SPPL2A: variants seen among roughly 807,000 people sequenced by gnomAD.
SPPL2A encodes the protein signal peptide peptidase like 2A.
A neutral mutation model predicts 63.8 loss-of-function variants in SPPL2A; 51 were observed. That is an observed-to-expected ratio of 0.80 (90% CI 0.64 to 1.01). The LOEUF is 1.01. SPPL2A is among the 50% of genes least tolerant of loss of function. The probability of loss-of-function intolerance (pLI) is 0.00; values close to 1 mark genes in which losing one functional copy is unlikely to be tolerated. For missense variants in SPPL2A, 553 were observed against 622.7 expected (o/e 0.89, Z 1.19); for synonymous variants, 188 against 205.8 (o/e 0.91, Z 0.74).
At chr15:50,750,069 C>G (rs568762526) in intron 1 of SPPL2A, among the ~76,000 whole-genome samples, 1 of 152,130 alleles carries the variant, frequency 6.6e-6, no homozygotes, top group Non-Finnish European at 1.5e-5. Context: ...TGGAAACTTT[C>G]CTTTCCAATC....
At chr15:50,712,538 A>C (rs2062566823) in intron 14 of SPPL2A, among the ~76,000 whole-genome samples, 5 of 151,984 alleles carry the variant, frequency 3.3e-5, no homozygotes. Context: ...AAAGCTCCCC[A>C]TTCTATTTCA....
At chr15:50,726,477 C>T (rs1174657139) in intron 10 of SPPL2A, 100 bp from the exon 11 acceptor site, 10 of 1,105,934 alleles carry the variant, frequency 9.0e-6, no homozygotes, top group African/African-American at 3.1e-5. Flanking sequence ...GCCAGTTACA[C>T]TGATTGAAAA....
At chr15:50,734,755 T>C (rs190146249) in intron 8 of SPPL2A, among the ~76,000 whole-genome samples, 456 of 152,314 alleles carry the variant, frequency 3.0e-3, no homozygotes, top group Admixed American at 7.1e-3. Flanking sequence ...ATCATTCACA[T>C]TGAATGCCTG....
intron 1 of SPPL2A, among the ~76,000 whole-genome samples, chr15:50,752,287 G>A (rs1358481047): frequency 6.6e-6 from 1 of 152,010 alleles, no homozygotes; most frequent in Non-Finnish European, 1.5e-5. Context: ...ACCTCTTATA[G>A]CTGGCTCTTT....
intron 8 of SPPL2A, among the ~76,000 whole-genome samples, chr15:50,733,957 G>A (rs780993351): frequency 2.0e-5 from 3 of 152,090 alleles, no homozygotes; most frequent in African/African-American, 4.8e-5. Flanking sequence ...TTAGAGAAAT[G>A]TAAATCAAAA....
Position 50,722,023 on chromosome 15 carries a change from C to A in SPPL2A, c.1327+101G>T. On this transcript the variant is annotated intron_variant, in intron 13 of 14. Transcript: ENST00000261854. ...AAAGTGCTAGGACTCCAGGGGTGAA[C>A]CACCATGCCCAAACTGTACTCCTTC... is the stretch of plus-strand genomic sequence containing the variant. The A allele has an allele frequency of 7.4e-6, 5 of 672,976 alleles. No homozygotes were observed. The South Asian group carries it at 8.6e-5, about 12-fold the overall frequency. 41.7% of individuals were successfully genotyped at this position (672,976 alleles called of 1,614,324 possible). A position where few individuals can be genotyped will look rare whatever the true frequency, so the allele number is the denominator to read the frequency against.
At chr15:50,749,298 T>G (rs1167802243) in intron 2 of SPPL2A, among the ~76,000 whole-genome samples, 1 of 152,146 alleles carries the variant, frequency 6.6e-6, no homozygotes, top group South Asian at 2.1e-4. Context: ...CACTATTTTT[T>G]TTTTTCAGAG....
intron 11 of SPPL2A, chr15:50,726,026 G>C: frequency 8.2e-7 from 1 of 1,217,092 alleles, no homozygotes; most frequent in Non-Finnish European, 1.1e-6. Flanking sequence ...TTGTCTCAGA[G>C]GGTATGATTT....
chr15:50,725,994 T>C, intron 11 of SPPL2A: 1 of 971,430 alleles, frequency 1.0e-6, no homozygotes, highest in Admixed American at 3.2e-5. Flanking sequence ...ATCTGGATTT[T>C]TTTTTCCCCC....
At chr15:50,728,327 A>G (rs1054287889) in intron 10 of SPPL2A, among the ~76,000 whole-genome samples, 1 of 152,172 alleles carries the variant, frequency 6.6e-6, no homozygotes, top group Non-Finnish European at 1.5e-5. Flanking sequence ...ATAAATTAAC[A>G]ATTTTATTTT....
intron 1 of SPPL2A, among the ~76,000 whole-genome samples, chr15:50,753,225 C>T (rs956063997): frequency 2.0e-5 from 3 of 152,098 alleles, no homozygotes; most frequent in Admixed American, 6.6e-5. Flanking sequence ...AATGACCCCT[C>T]AAGAAGCCCC....
At chr15:50,724,263 A>C (rs1035557748) in intron 12 of SPPL2A, among the ~76,000 whole-genome samples, 2 of 152,162 alleles carry the variant, frequency 1.3e-5, no homozygotes, top group East Asian at 3.9e-4. Context: ...ACAGGCAGTT[A>C]GTACATAGGA....
intron 14 of SPPL2A, 83 bp from the exon 15 acceptor site, chr15:50,707,957 T>G: frequency 1.3e-6 from 1 of 763,044 alleles, no homozygotes; most frequent in Non-Finnish European, 2.4e-6. Context: ...GGATTCTTTT[T>G]CTAAAAAACA....
At chr15:50,764,265 T>C (rs1567170868) in intron 1 of SPPL2A, among the ~76,000 whole-genome samples, 2 of 152,238 alleles carry the variant, frequency 1.3e-5, no homozygotes, top group Non-Finnish European at 1.5e-5. Context: ...TGAATATCTT[T>C]TGGACATAAG....
chr15:50,764,984 G>A (rs12912192), intron 1 of SPPL2A, among the ~76,000 whole-genome samples: 19,100 of 151,792 alleles, frequency 0.13, 1,267 homozygotes, highest in Middle Eastern at 0.22. Context: ...TGGGGGAAGG[G>A]AATTTTAAAA....
Position 50,702,597 on chromosome 15 carries a change from A to G in SPPL2A, c.*5203T>C, listed in dbSNP as rs1490421071. ...AACAGGCAAAAATTACCTAATTTAC[A>G]TTGACTTGTCCTACTAGAAAATGTT... is the stretch of plus-strand genomic sequence containing the variant. On this transcript the variant is annotated 3_prime_UTR_variant, in exon 15 of 15. Coordinates refer to ENST00000261854, the MANE Select transcript of SPPL2A (RefSeq NM_032802.4). The G allele has an allele frequency of 1.3e-5, 2 of 152,206 alleles. No homozygotes were observed. The highest frequency in any genetic ancestry group is 2.9e-5 in the Non-Finnish European group (2 of 68,034). The allele number at this position is 152,206 out of a possible 1,614,324, so 9.4% of individuals were successfully genotyped here. A position where few individuals can be genotyped will look rare whatever the true frequency, so the allele number is the denominator to read the frequency against.
At chr15:50,753,346 C>G (rs1012773744) in intron 1 of SPPL2A, among the ~76,000 whole-genome samples, 1 of 152,142 alleles carries the variant, frequency 6.6e-6, no homozygotes, top group African/African-American at 2.4e-5. Context: ...AGCCAGCATG[C>G]CCAAACAAGT....
intron 8 of SPPL2A, among the ~76,000 whole-genome samples, chr15:50,734,081 T>C (rs571682852): frequency 6.6e-5 from 10 of 152,262 alleles, no homozygotes; most frequent in African/African-American, 1.2e-4. Flanking sequence ...AAGAACAGTA[T>C]GGAAATTCCT....
intron 6 of SPPL2A, among the ~76,000 whole-genome samples, chr15:50,738,377 C>T (rs1468050432): frequency 3.3e-5 from 5 of 151,860 alleles, no homozygotes; most frequent in Admixed American, 6.6e-5. Context: ...AGTGAAATCC[C>T]GTCTGTACTA....
Sources: allele counts gnomAD v4.1 joint callset (sites outside exome capture counted in the v4.1 genomes callset), GRCh38; gene constraint gnomAD v4.1.1; transcripts MANE v1.5; gene names NCBI Gene and HGNC (gene_info 2026-07-23, HGNC 2026-07-21).